The following CWC27 variants were observed in gnomAD, a reference collection of about 807,000 sequenced individuals.
CWC27 encodes the protein spliceosome-associated protein CWC27 homolog.
A neutral mutation model predicts 63.6 loss-of-function variants in CWC27; 47 were observed. That is an observed-to-expected ratio of 0.74 (90% CI 0.58 to 0.94). CWC27 has a LOEUF of 0.94. Ranked by LOEUF, CWC27 falls within the 40% of genes least tolerant of loss-of-function variation. CWC27 has a pLI of 0.00. For synonymous variants in CWC27, 175 were observed against 179.8 expected, an observed-to-expected ratio of 0.97 and a Z score of 0.22; for missense variants, 495 against 554.3, an observed-to-expected ratio of 0.89 and a Z score of 1.07.
intron 11 of CWC27, among the ~76,000 whole-genome samples, chr5:64,960,532 G>C (rs919704607): frequency 2.0e-5 from 3 of 151,150 alleles, no homozygotes; most frequent in African/African-American, 7.3e-5. Context: ...TTAAGATCTG[G>C]TATATTAAAA....
At chr5:64,815,139 T>C (rs1744991483) in intron 10 of CWC27, among the ~76,000 whole-genome samples, 1 of 152,198 alleles carries the variant, frequency 6.6e-6, no homozygotes, top group South Asian at 2.1e-4. Flanking sequence ...TCTGTTTTGC[T>C]ACACATAAAC....
chr5:64,974,249 A>T (rs1037156989), intron 12 of CWC27, among the ~76,000 whole-genome samples: 1 of 152,030 alleles, frequency 6.6e-6, no homozygotes, highest in East Asian at 1.9e-4. Context: ...TAAAAAAAAA[A>T]ATGATAGGGT....
chr5:64,903,527 G>A (rs1747554290), intron 11 of CWC27, among the ~76,000 whole-genome samples: 1 of 151,810 alleles, frequency 6.6e-6, no homozygotes, highest in Non-Finnish European at 1.5e-5. Flanking sequence ...GGCCTGTTGG[G>A]GGATCGGGGC....
chr5:65,002,412 G>A (rs1310476364), intron 13 of CWC27, among the ~76,000 whole-genome samples: 1 of 151,914 alleles, frequency 6.6e-6, no homozygotes, highest in Non-Finnish European at 1.5e-5. Context: ...CTACTTTTTT[G>A]ATGTTGGTGA....
At chr5:64,927,814 A>G (rs1319628139) in intron 11 of CWC27, among the ~76,000 whole-genome samples, 1 of 152,078 alleles carries the variant, frequency 6.6e-6, no homozygotes, top group Non-Finnish European at 1.5e-5. Flanking sequence ...ATTTCTTTGG[A>G]TTTCTAGATT....
At chr5:64,975,359 A>C (rs1411301233) in intron 12 of CWC27, among the ~76,000 whole-genome samples, 2 of 152,190 alleles carry the variant, frequency 1.3e-5, no homozygotes, top group Non-Finnish European at 2.9e-5. Context: ...CCAGTTATTC[A>C]CATGTTGAAC....
At chr5:64,957,953 T>C (rs1037572839) in intron 11 of CWC27, among the ~76,000 whole-genome samples, 1 of 152,316 alleles carries the variant, frequency 6.6e-6, no homozygotes, top group Admixed American at 6.5e-5. Flanking sequence ...TACTTTGTGG[T>C]ATCCTAAATT....
chr5:64,774,622 G>A (rs1743376640), intron 1 of CWC27, 69 bp from the exon 2 acceptor site: 3 of 926,814 alleles, frequency 3.2e-6, no homozygotes, highest in Non-Finnish European at 4.7e-6. Flanking sequence ...ATTGCTACAA[G>A]TCAAATAGTT....
chr5:65,015,203 G>C (rs1750029654), intron 13 of CWC27, among the ~76,000 whole-genome samples: 1 of 152,148 alleles, frequency 6.6e-6, no homozygotes, highest in African/African-American at 2.4e-5. Context: ...TCATGGCATA[G>C]AAAGGAAAAA....
chr5:64,802,296 C>A (rs922208135), intron 9 of CWC27, among the ~76,000 whole-genome samples: 9 of 152,020 alleles, frequency 5.9e-5, no homozygotes, highest in Non-Finnish European at 8.8e-5. Context: ...CAAAATGGTC[C>A]GAAGCAGGAG....
At chr5:64,814,058 C>T (rs938337636) in intron 10 of CWC27, among the ~76,000 whole-genome samples, 1 of 150,862 alleles carries the variant, frequency 6.6e-6, no homozygotes, top group African/African-American at 2.4e-5. Flanking sequence ...TTTCTTAAAA[C>T]ATTATGAGAT....
intron 11 of CWC27, among the ~76,000 whole-genome samples, chr5:64,969,691 T>C (rs1040054338): frequency 2.0e-5 from 3 of 151,552 alleles, no homozygotes; most frequent in African/African-American, 7.3e-5. Flanking sequence ...ATATGATTTG[T>C]CCTCAAGGAG....
At chr5:64,847,438 C>T (rs1216677938) in intron 10 of CWC27, among the ~76,000 whole-genome samples, 1 of 152,118 alleles carries the variant, frequency 6.6e-6, no homozygotes, top group Non-Finnish European at 1.5e-5. Flanking sequence ...ACAATAACAA[C>T]AGGGGACTTC....
chr5:64,828,014 A>G (rs1745410036), intron 10 of CWC27, among the ~76,000 whole-genome samples: 1 of 152,110 alleles, frequency 6.6e-6, no homozygotes, highest in African/African-American at 2.4e-5. Flanking sequence ...GAAACATAGT[A>G]TATATGGGGT....
chr5:64,789,623 CT>C (rs1395010005), intron 7 of CWC27, among the ~76,000 whole-genome samples: 1 of 152,050 alleles, frequency 6.6e-6, no homozygotes, highest in Non-Finnish European at 1.5e-5. Context: ...TCTGCTAGTC[CT>C]TCCTGTAGGC....
chr5:64,836,898 G>A (rs1580658454), intron 10 of CWC27, among the ~76,000 whole-genome samples: 2 of 152,162 alleles, frequency 1.3e-5, no homozygotes, highest in South Asian at 2.1e-4. Flanking sequence ...AAGCAAGGAC[G>A]TGGTAATATT....
At chr5:64,858,872 C>T (rs1304899095) in intron 10 of CWC27, among the ~76,000 whole-genome samples, 1 of 152,176 alleles carries the variant, frequency 6.6e-6, no homozygotes, top group African/African-American at 2.4e-5. Flanking sequence ...TATGACCCAT[C>T]ATGCCCAGAT....
intron 12 of CWC27, among the ~76,000 whole-genome samples, chr5:64,973,403 A>G (rs1258822196): frequency 2.0e-5 from 3 of 152,226 alleles, no homozygotes; most frequent in East Asian, 3.9e-4. Flanking sequence ...TTAGATATGC[A>G]TAAACAGAGT....
At chr5:64,917,621 C>G (rs550082918) in intron 11 of CWC27, among the ~76,000 whole-genome samples, 1 of 149,228 alleles carries the variant, frequency 6.7e-6, no homozygotes, top group Non-Finnish European at 1.5e-5. Flanking sequence ...GGCCCTCATC[C>G]AATCAATTGA....
Sources: allele counts gnomAD v4.1 joint callset (sites outside exome capture counted in the v4.1 genomes callset), GRCh38; gene constraint gnomAD v4.1.1; transcripts MANE v1.5; gene names NCBI Gene and HGNC (gene_info 2026-07-23, HGNC 2026-07-21).